Variants in TMEM63C observed in about 807,000 individuals in gnomAD.
TMEM63C encodes the protein transmembrane protein 63C.
Under a neutral mutation model 99.2 loss-of-function variants are expected in TMEM63C, and 32 were observed. That is an observed-to-expected ratio of 0.32 (90% CI 0.24 to 0.43). The LOEUF is 0.43. Ranked by LOEUF, TMEM63C falls within the 20% of genes least tolerant of loss-of-function variation. The pLI is 1.00. For missense variants in TMEM63C, 826 were observed against 1,053.0 expected (o/e 0.78, Z 2.98); for synonymous variants, 376 against 397.9 (o/e 0.94, Z 0.66).
In TMEM63C at chr14:77,239,643, G is replaced by A. The variant is rs1253216805; in HGVS notation, c.847G>A (p.Ala283Thr). 1 of 1,613,402 alleles carries A rather than the reference G, an allele frequency of 6.2e-7. No individual in the cohort carries two copies. The highest frequency in any genetic ancestry group is 1.3e-5 in the African/African-American group (1 of 75,070). ...MRGRLFYTAK[A>T]KKTGKVMIRI... ...GGGCCGGCTTTTCTATACAGCCAAG[G>A]CCAAGAAGACTGGGAAGGTGATGAT... Residue 283 changes from alanine to threonine, a missense_variant, in exon 12 of 24, where the codon GCC becomes ACC. Ala to Thr is a moderately conservative substitution (Grantham distance 58). Transcript: ENST00000298351.
chr14:77,253,133 T>C (rs181704034), intron 22 of TMEM63C, among the ~76,000 whole-genome samples, 172 bp from the exon 23 acceptor site: 18 of 152,282 alleles, frequency 1.2e-4, no homozygotes, highest in Non-Finnish European at 2.2e-4. Context: ...ATCCCAGCCT[T>C]CTCTCTGTCC....
chr14:77,186,764 C>T (rs955706037), intron 1 of TMEM63C, among the ~76,000 whole-genome samples: 2 of 95,698 alleles, frequency 2.1e-5, no homozygotes, highest in Non-Finnish European at 4.7e-5. Flanking sequence ...GGAATCTTCT[C>T]AGAACCAAAG....
rs377232350 is a variant in TMEM63C, at chr14:77,231,687, C to A, written c.450C>A (p.Ser150=). 3 of 1,551,566 alleles carry A rather than the reference C, an allele frequency of 1.9e-6. No homozygotes were observed. Among genetic ancestry groups the A allele is most frequent in the African/African-American group, 1.4e-5 (1 of 73,032 alleles). Residue 150 remains serine, a synonymous_variant, in exon 7 of 24, where the codon TCC becomes TCA. Coordinates refer to ENST00000298351, the MANE Select transcript of TMEM63C (RefSeq NM_020431.4). ...IIFVLIICIP[S]LGIILPINYT... is the part of the protein sequence containing the mutation. ...TTGTGCTCATCATCTGTATCCCCTC[C>A]CTGGGCATCATTTTGCCCATCAACT...
chr14:77,213,902 G>A (rs1251748470), intron 2 of TMEM63C, among the ~76,000 whole-genome samples: 2 of 152,136 alleles, frequency 1.3e-5, no homozygotes, highest in Non-Finnish European at 2.9e-5. Flanking sequence ...AGAGACTCCC[G>A]GATCCTGCTA....
chr14:77,256,435 C>T (rs1301373511), intron 23 of TMEM63C, 91 bp from the exon 24 acceptor site: 15 of 1,298,048 alleles, frequency 1.2e-5, no homozygotes, highest in East Asian at 4.6e-5. Context: ...GAGACAGAGG[C>T]GATGGGGGTG....
At chr14:77,238,882 G>A (rs1217551504) in intron 10 of TMEM63C, 115 bp downstream of exon 10, 1 of 767,946 alleles carries the variant, frequency 1.3e-6, no homozygotes, top group Non-Finnish European at 2.2e-6. Flanking sequence ...ACCCCGGGGT[G>A]GCTCTCCCTG....
At chr14:77,199,354 G>A (rs1888259595) in intron 1 of TMEM63C, among the ~76,000 whole-genome samples, 1 of 152,132 alleles carries the variant, frequency 6.6e-6, no homozygotes, top group African/African-American at 2.4e-5. Flanking sequence ...GCTCCGCACT[G>A]CCTACACAGT....
Position 77,236,636 on chromosome 14 carries a change from G to C in TMEM63C, c.555G>C (p.Leu185=), listed in dbSNP as rs771764575. 1 of 1,612,284 alleles carries C rather than the reference G, an allele frequency of 6.2e-7. No homozygotes were observed. Among genetic ancestry groups the C allele is most frequent in the Admixed American group, 1.7e-5 (1 of 59,954 alleles). Residue 185 remains leucine (L), a synonymous_variant, in exon 9 of 24, where the codon CTG becomes CTC. Transcript: ENST00000298351. The part of the protein sequence containing the change: ...IVNVSTESKL[L]WLHSLLSFFY... ...TCCCTCCCTGCAGGAGCAAGCTCCT[G>C]TGGCTGCATAGCCTGCTGTCCTTCT...
rs1445052979 is a variant in TMEM63C, at chr14:77,248,522, T to C, written c.1764+13T>C. ...CAACATCAGAAAGGTACAGACTGGC[T>C]CTCCGCTGAGCACAGCCCTCAGTTT... On this transcript the variant is annotated intron_variant, in intron 19 of 23. Transcript: ENST00000298351. 1 of 1,573,060 alleles carries C rather than the reference T, an allele frequency of 6.4e-7. No individual in the cohort carries two copies. The highest frequency in any genetic ancestry group is 1.9e-5 in the Admixed American group (1 of 53,410).
At chr14:77,191,654 C>T (rs1318571024) in intron 1 of TMEM63C, among the ~76,000 whole-genome samples, 1 of 146,200 alleles carries the variant, frequency 6.8e-6, no homozygotes, top group African/African-American at 2.5e-5. Context: ...AAGCATTTCT[C>T]CTGCCTCAGC....
At chr14:77,219,350 G>T (rs189219482) in intron 3 of TMEM63C, 148 bp from the exon 4 acceptor site, 2 of 732,286 alleles carry the variant, frequency 2.7e-6, no homozygotes, top group Non-Finnish European at 4.6e-6. Flanking sequence ...GAAAGGAATG[G>T]CCCCTACTCC....
chr14:77,234,651 T>C (rs1310458632), intron 8 of TMEM63C, among the ~76,000 whole-genome samples: 2 of 152,204 alleles, frequency 1.3e-5, no homozygotes, highest in Non-Finnish European at 2.9e-5. Context: ...AGGGGTATTT[T>C]GAAACAAGGT....
In TMEM63C at chr14:77,253,364, G is replaced by A. The variant is rs150015307; in HGVS notation, c.2208G>A (p.Thr736=). The A allele has an allele frequency of 7.2e-4, 1,163 of 1,611,482 alleles. 12 individuals are homozygous for A. In the East Asian group the frequency reaches 0.022, roughly 30 times the overall value. The change falls in exon 23 of 24, where the codon ACG becomes ACA. Residue 736 remains threonine (T), a synonymous_variant. Coordinates refer to ENST00000298351, the MANE Select transcript of TMEM63C (RefSeq NM_020431.4). ...TGGAGCCAAGCAGCACCTCCTCCAC[G>A]CCCACCTCCCTCGTGAGTCCTGAGT... ...FDMEPSSTSS[T]PTSLLYVATV...
intron 6 of TMEM63C, among the ~76,000 whole-genome samples, chr14:77,230,202 A>G (rs112095158): frequency 2.2e-5 from 2 of 90,692 alleles, no homozygotes; most frequent in African/African-American, 4.0e-5. Context: ...ACTCTGTCTC[A>G]AAAAAAAAAA....
At position 77,236,677 on chromosome 14, in the gene TMEM63C, A is replaced by C; in HGVS notation, c.596A>C (p.Asn199Thr). The C allele has an allele frequency of 6.2e-7, 1 of 1,612,716 alleles. No homozygotes were observed. The highest frequency in any genetic ancestry group is 1.3e-5 in the African/African-American group (1 of 74,780). The change falls in exon 9 of 24, where the codon AAC (asparagine) becomes ACC (threonine). Residue 199 changes from asparagine (N) to threonine (T), a missense_variant. Asn to Thr is a moderately conservative substitution (Grantham distance 65). Transcript: ENST00000298351. Reference sequence around the variant, plus strand: ...CTGTCCTTCTTCTACTTCATCACCAACTTCATGTTCATGGCTCATCACTGC... The same window carrying C: ...CTGTCCTTCTTCTACTTCATCACCACCTTCATGTTCATGGCTCATCACTGC... ...SLLSFFYFIT[N>T]FMFMAHHCLG...
chr14:77,202,212 A>T (rs1400882960), intron 1 of TMEM63C, among the ~76,000 whole-genome samples: 1 of 151,986 alleles, frequency 6.6e-6, no homozygotes. Flanking sequence ...AACCCAAAAC[A>T]CAAGCATCTA....
At chr14:77,251,951 A>C (rs1889369133) in intron 22 of TMEM63C, 53 bp downstream of exon 22, 17 of 1,400,398 alleles carry the variant, frequency 1.2e-5, no homozygotes, top group Non-Finnish European at 1.7e-5. Flanking sequence ...TGGGGGACAC[A>C]GCTGTAGGAT....
chr14:77,206,721 G>C (rs1888409064), intron 1 of TMEM63C, among the ~76,000 whole-genome samples: 1 of 152,134 alleles, frequency 6.6e-6, no homozygotes, highest in Non-Finnish European at 1.5e-5. Flanking sequence ...TGATGCAGGA[G>C]GAAAGCTTGA....
chr14:77,220,673 G>A (rs1046830050), intron 5 of TMEM63C, among the ~76,000 whole-genome samples: 7 of 152,224 alleles, frequency 4.6e-5, no homozygotes, highest in South Asian at 2.1e-4. Flanking sequence ...CAGGGGAGAC[G>A]ACCAGACAGA....
Sources: allele counts gnomAD v4.1 joint callset (sites outside exome capture counted in the v4.1 genomes callset), GRCh38; gene constraint gnomAD v4.1.1; transcripts MANE v1.5; gene names NCBI Gene and HGNC (gene_info 2026-07-23, HGNC 2026-07-21).